Variants in OCEL1 observed in about 807,000 individuals in gnomAD.
OCEL1 encodes occludin/ELL domain-containing protein 1.
Under a neutral mutation model 29.4 loss-of-function variants are expected in OCEL1, and 24 were observed. The observed-to-expected ratio is 0.82, with a 90% CI of 0.59 to 1.15. OCEL1 has a LOEUF of 1.15. Ranked by LOEUF, OCEL1 falls within the 50% of genes most tolerant of loss-of-function variation. The probability of loss-of-function intolerance (pLI) is 0.00; values close to 1 mark genes in which losing one functional copy is unlikely to be tolerated. For missense variants in OCEL1, 402 were observed against 352.5 expected, an observed-to-expected ratio of 1.14 and a Z score of -1.13; for synonymous variants, 172 against 145.3, an observed-to-expected ratio of 1.18 and a Z score of -1.32.
At chr19:17,226,905 C>T (rs998185154) in intron 2 of OCEL1, 36 bp downstream of exon 2, 10 of 1,515,938 alleles carry the variant, frequency 6.6e-6, no homozygotes, top group African/African-American at 5.7e-5. Context: ...CAGGCCGGGC[C>T]TCTAGGCAAA....
rs1336833163 is a variant in OCEL1 at position 17,226,734 on chromosome 19, C to G, written c.111C>G (p.Ala37=). ...RPPPPRAGHD[A]PRRTRPSARK... is the part of the protein sequence containing the mutation. ...CCCCGCCGCGCGCGGGACACGACGC[C>G]CCCCGCAGGACCCGCCCATCAGCCC... is the stretch of plus-strand genomic sequence containing the variant. The change falls in exon 2 of 6, where the codon GCC becomes GCG. Residue 37 remains alanine, a synonymous_variant. Coordinates refer to ENST00000215061, the MANE Select transcript of OCEL1 (RefSeq NM_024578.3). 6 of 1,545,494 alleles carry G rather than the reference C, an allele frequency of 3.9e-6. No homozygotes were observed. The highest frequency in any genetic ancestry group is 5.2e-6 in the Non-Finnish European group (6 of 1,152,820).
chr19:17,227,278 G>C, intron 3 of OCEL1, 79 bp downstream of exon 3: 1 of 1,307,756 alleles, frequency 7.6e-7, no homozygotes, highest in East Asian at 2.7e-5. Context: ...AGTTGAATAA[G>C]AGTTTACCAA....
chr19:17,227,798 G>T lies in OCEL1; in HGVS notation c.453-42G>T, dbSNP rs143958824. 8.5e-4 allele frequency: 1,351 copies of T among 1,591,806 alleles called. 10 individuals carry two copies. Among genetic ancestry groups the T allele is most frequent in the Non-Finnish European group, 2.8e-4 (325 of 1,163,468 alleles). ...ATTACACTGACTGGGGGAAAGAGTG[G>T]GGTTCTTTACACTCACACTCTGACC... is the stretch of plus-strand genomic sequence containing the variant. On this transcript the variant is annotated intron_variant, in intron 3 of 5. Transcript: ENST00000215061.
Position 17,226,737 on chromosome 19 carries a change from C to A in OCEL1, c.114C>A (p.Pro38=). 1 of 1,558,080 alleles carries A rather than the reference C, an allele frequency of 6.4e-7. No homozygotes were observed. ...PPPPRAGHDA[P]RRTRPSARKP... is the part of the protein sequence containing the mutation. ...CGCCGCGCGCGGGACACGACGCCCC[C>A]CGCAGGACCCGCCCATCAGCCCGGA... The change falls in exon 2 of 6, where the codon CCC becomes CCA. Residue 38 remains proline, a synonymous_variant. Coordinates refer to ENST00000215061, the MANE Select transcript of OCEL1 (RefSeq NM_024578.3).
chr19:17,227,941 G>A lies in OCEL1; in HGVS notation c.554G>A (p.Cys185Tyr). Residue 185 changes from cysteine to tyrosine, a missense_variant, in exon 4 of 6, where the codon TGT becomes TAT. Coordinates refer to ENST00000215061, the MANE Select transcript of OCEL1 (RefSeq NM_024578.3). ...TTGGAGCTCCAGCACGAGGTGGGGT[G>A]TGCACAGGCAAAGCTCAGGCAGCTG... is the stretch of plus-strand genomic sequence containing the variant. ...EFLELQHEVG[C>Y]AQAKLRQLEA... 1 of 1,613,326 alleles carries A rather than the reference G, an allele frequency of 6.2e-7. No individual in the cohort carries two copies. Among genetic ancestry groups the A allele is most frequent in the Non-Finnish European group, 8.5e-7 (1 of 1,180,006 alleles).
In OCEL1 at chr19:17,226,677, G is replaced by T. The variant is rs773685649; in HGVS notation, c.70-16G>T. On this transcript the variant is annotated splice_polypyrimidine_tract_variant and intron_variant, in intron 1 of 5. Coordinates refer to ENST00000215061, the MANE Select transcript of OCEL1 (RefSeq NM_024578.3). The stretch of plus-strand genomic sequence containing the variant: ...GCGCGTCGTCAGGCGTGTCCTCTCC[G>T]CGTGTCCACCCACAGGCCGCCCGCA... 2.1e-6 allele frequency: 3 copies of T among 1,455,086 alleles called. No homozygotes were observed. The highest frequency in any genetic ancestry group is 1.8e-6 in the Non-Finnish European group (2 of 1,111,576). The allele number at this position is 1,455,086 out of a possible 1,614,324, so 90.1% of individuals were successfully genotyped here.
chr19:17,226,479 G>C lies in OCEL1; in HGVS notation c.69+163G>C, dbSNP rs2073360420. 1.9e-5 allele frequency: 18 copies of C among 957,964 alleles called. No homozygotes were observed. In the South Asian group the frequency reaches 3.0e-4, roughly 16 times the overall value. 59.3% of individuals were successfully genotyped at this position (957,964 alleles called of 1,614,324 possible). On this transcript the variant is annotated intron_variant, in intron 1 of 5. Transcript: ENST00000215061. ...GGTCCCAGGCTGCGCGGCGACGTCA[G>C]AGTTCATTTACATAGCGCTTATTTG...
At chr19:17,227,764 G>GA (rs1393480042) in intron 3 of OCEL1, 76 bp from the exon 4 acceptor site, 2 of 1,523,388 alleles carry the variant, frequency 1.3e-6, no homozygotes, top group Non-Finnish European at 1.8e-6. Flanking sequence ...CATGGACAAA[G>GA]AAAAGCAAAT....
rs201983831 is a variant in OCEL1 at position 17,226,276 on chromosome 19, C to A, written c.29C>A (p.Pro10Gln). The A allele has an allele frequency of 1.8e-5, 29 of 1,612,268 alleles. No homozygotes were observed. The highest frequency in any genetic ancestry group is 2.3e-5 in the Non-Finnish European group (27 of 1,179,574). Residue 10 changes from proline to glutamine, a missense_variant, in exon 1 of 6, where the codon CCG becomes CAG. Pro to Gln is a moderately conservative substitution (Grantham distance 76). Transcript: ENST00000215061. The part of the protein sequence containing the change: MHNPDGSAS[P>Q]TADPGSELQT... The stretch of plus-strand genomic sequence containing the variant: ...CACAACCCGGACGGAAGTGCCTCTC[C>A]GACAGCAGATCCAGGCTCGGAGCTC...
At chr19:17,226,516 C>A in intron 1 of OCEL1, 177 bp from the exon 2 acceptor site, 2 of 897,564 alleles carry the variant, frequency 2.2e-6, no homozygotes, top group Non-Finnish European at 3.3e-6. Context: ...GTTGCGCAGT[C>A]GTGGGCGGGG....
At position 17,227,063 on chromosome 19, in the gene OCEL1, C is replaced by A. The variant is rs2073368524; in HGVS notation, c.316C>A (p.Pro106Thr). 1 of 1,609,058 alleles carries A rather than the reference C, an allele frequency of 6.2e-7. No individual in the cohort carries two copies. Among genetic ancestry groups the A allele is most frequent in the Admixed American group, 1.7e-5 (1 of 58,122 alleles). Residue 106 changes from proline (P) to threonine (T), a missense_variant, in exon 3 of 6, where the codon CCC (proline) becomes ACC (threonine). By Grantham distance (38) the Pro-to-Thr change is conservative. Coordinates refer to ENST00000215061, the MANE Select transcript of OCEL1 (RefSeq NM_024578.3). The part of the protein sequence containing the change: ...PRPPCQPQPG[P>T]HKAKTKKIVF... ...CCCTCCGTGCCAGCCCCAGCCGGGA[C>A]CCCACAAGGCAAAGACCAAGAAGAT...
rs534027657 is a variant in OCEL1 at position 17,227,029 on chromosome 19, C to A, written c.282C>A (p.Ser94Arg). Residue 94 changes from serine to arginine, a missense_variant, in exon 3 of 6, where the codon AGC (serine) becomes AGA (arginine). By Grantham distance (110) the Ser-to-Arg change is moderately radical (BLOSUM62 -1). Coordinates refer to ENST00000215061, the MANE Select transcript of OCEL1 (RefSeq NM_024578.3). ...QGLAPRGLKTSAPRPPCQPQP... is the reference protein window; with the variant it reads ...QGLAPRGLKTRAPRPPCQPQP... ...TGGCGCCCCGAGGCCTCAAAACCAG[C>A]GCCCCCCGCCCTCCGTGCCAGCCCC... 1 of 1,599,344 alleles carries A rather than the reference C, an allele frequency of 6.3e-7. No individual in the cohort carries two copies. Among genetic ancestry groups the A allele is most frequent in the East Asian group, 2.3e-5 (1 of 43,990 alleles).
In OCEL1 at chr19:17,226,285, A is replaced by C. The variant is rs2073357995; in HGVS notation, c.38A>C (p.Asp13Ala). ...GACGGAAGTGCCTCTCCGACAGCAG[A>C]TCCAGGCTCGGAGCTCCAGACGCTG... ...NPDGSASPTA[D>A]PGSELQTLGQ... The change falls in exon 1 of 6, where the codon GAT becomes GCT. Residue 13 changes from aspartate (D) to alanine (A), a missense_variant. Asp to Ala is a moderately radical substitution (Grantham distance 126, BLOSUM62 -2). Transcript: ENST00000215061. The C allele has an allele frequency of 6.2e-7, 1 of 1,612,424 alleles. No individual in the cohort carries two copies. Among genetic ancestry groups the C allele is most frequent in the Non-Finnish European group, 8.5e-7 (1 of 1,179,628 alleles).
rs751596322 is a variant in OCEL1 at position 17,227,930 on chromosome 19, C to T, written c.543C>T (p.His181=). The T allele has an allele frequency of 2.5e-5, 41 of 1,613,410 alleles. No individual in the cohort carries two copies. The highest frequency in any genetic ancestry group is 2.0e-4 in the East Asian group (9 of 44,888). The change falls in exon 4 of 6, where the codon CAC becomes CAT. Residue 181 remains histidine, a synonymous_variant. Coordinates refer to ENST00000215061, the MANE Select transcript of OCEL1 (RefSeq NM_024578.3). ...ACGGAGAGTTCTTGGAGCTCCAGCA[C>T]GAGGTGGGGTGTGCACAGGCAAAGC... The part of the protein sequence containing the change: ...DQYGEFLELQ[H]EVGCAQAKLR...
chr19:17,227,036 C>T lies in OCEL1; in HGVS notation c.289C>T (p.Arg97Cys), dbSNP rs780671687. Residue 97 changes from arginine (R) to cysteine (C), a missense_variant, in exon 3 of 6, where the codon CGC becomes TGC. By Grantham distance (180) the Arg-to-Cys change is radical. Coordinates refer to ENST00000215061, the MANE Select transcript of OCEL1 (RefSeq NM_024578.3). ...APRGLKTSAP[R>C]PPCQPQPGPH... The stretch of plus-strand genomic sequence containing the variant: ...CCGAGGCCTCAAAACCAGCGCCCCC[C>T]GCCCTCCGTGCCAGCCCCAGCCGGG... 2.4e-5 allele frequency: 38 copies of T among 1,604,400 alleles called. No homozygotes were observed. The highest frequency in any genetic ancestry group is 3.2e-5 in the Non-Finnish European group (38 of 1,177,770).
rs769618109 is a variant in OCEL1 at position 17,227,072 on chromosome 19, G to A, written c.325G>A (p.Ala109Thr). 7.5e-6 allele frequency: 12 copies of A among 1,609,444 alleles called. No individual in the cohort carries two copies. The highest frequency in any genetic ancestry group is 1.0e-5 in the Non-Finnish European group (12 of 1,179,230). ...PCQPQPGPHK[A>T]KTKKIVFEDE... ...CCAGCCCCAGCCGGGACCCCACAAG[G>A]CAAAGACCAAGAAGATTGTGTTTGA... Residue 109 changes from alanine (A) to threonine (T), a missense_variant, in exon 3 of 6, where the codon GCA becomes ACA. Coordinates refer to ENST00000215061, the MANE Select transcript of OCEL1 (RefSeq NM_024578.3).
chr19:17,228,799 C>G lies in OCEL1; in HGVS notation c.673-4C>G. ...CAAAGACTTCCGGGTCTCGCCCTGC[C>G]TAGGATCCTGGCTTCCTGGACAAGC... is the stretch of plus-strand genomic sequence containing the variant. On this transcript the variant is annotated splice_polypyrimidine_tract_variant and splice_region_variant and intron_variant, in intron 5 of 5. Transcript: ENST00000215061. 1 of 1,612,640 alleles carries G rather than the reference C, an allele frequency of 6.2e-7. No homozygotes were observed.
chr19:17,228,688 T>C (rs2073385853), intron 5 of OCEL1, 115 bp from the exon 6 acceptor site: 3 of 1,445,242 alleles, frequency 2.1e-6, no homozygotes, highest in South Asian at 2.6e-5. Context: ...CGGTCGCCTG[T>C]GCCCAGTTTC....
rs1488543308 is a variant in OCEL1, at chr19:17,228,237, T to C, written c.619-19T>C. 1.9e-6 allele frequency: 3 copies of C among 1,613,886 alleles called. No homozygotes were observed. In the African/African-American group the frequency reaches 4.0e-5, roughly 22 times the overall value. ...AATTCAACTCTCCCTAAACCCCCTT[T>C]CTACTCCTCCCCTTGCAGAAGGAGG... On this transcript the variant is annotated intron_variant, in intron 4 of 5. Transcript: ENST00000215061.
Sources: gnomAD v4.1 joint callset for allele counts on GRCh38, gnomAD v4.1.1 for gene constraint, MANE v1.5 for transcripts, NCBI Gene and HGNC (gene_info 2026-07-23, HGNC 2026-07-21) for gene names.